ASB10: variants seen among roughly 807,000 people sequenced by gnomAD.
The protein encoded by ASB10 is ankyrin repeat and SOCS box protein 10.
ASB10 carries 44 observed loss-of-function variants against 35.4 expected under a neutral mutation model. The observed-to-expected ratio is 1.24, with a 90% confidence interval of 0.98 to 1.60. The LOEUF is 1.60. Among genes scored for constraint, ASB10 ranks in the 40% most tolerant of loss-of-function variants. The pLI is 0.00. For missense variants in ASB10, 647 were observed against 634.3 expected (o/e 1.02, Z -0.22); for synonymous variants, 294 against 280.4 (o/e 1.05, Z -0.49).
intron 2 of ASB10, among the ~76,000 whole-genome samples, chr7:151,183,875 T>C (rs1352028114): frequency 6.6e-6 from 1 of 151,510 alleles, no homozygotes; most frequent in Non-Finnish European, 1.5e-5. Flanking sequence ...CGTGAGCCAC[T>C]GCGCCCGGCC....
chr7:151,187,082 G>A lies in ASB10; in HGVS notation c.49C>T (p.Leu17Phe). 1.9e-6 allele frequency: 3 copies of A among 1,605,920 alleles called. No individual in the cohort carries two copies. Among genetic ancestry groups the A allele is most frequent in the Non-Finnish European group, 2.6e-6 (3 of 1,176,422 alleles). ...PEECKGQGEP[L>F]DDRHPLCARL... Reference sequence around the variant, plus strand: ...GCACAGAGGGGGTGTCTGTCATCGAGGGGCTCTCCCTGCCCCTTGCACTCT... The same window carrying A: ...GCACAGAGGGGGTGTCTGTCATCGAAGGGCTCTCCCTGCCCCTTGCACTCT... Residue 17 changes from leucine (L) to phenylalanine (F), a missense_variant, in exon 1 of 6, where the codon CTC (leucine) becomes TTC (phenylalanine). Transcript: ENST00000420175. The surrounding 1 kb of genome is among the most constrained non-coding windows in gnomAD (Gnocchi z 5.3).
upstream of ASB10, chr7:151,187,638 G>A: frequency 6.5e-7 from 1 of 1,536,950 alleles, no homozygotes; most frequent in Non-Finnish European, 8.8e-7. The surrounding 1 kb of genome is among the most constrained non-coding windows in gnomAD (Gnocchi z 5.3). Context: ...CGGGAGTGGG[G>A]CCTCCAGATC....
intron 2 of ASB10, among the ~76,000 whole-genome samples, chr7:151,185,305 G>T (rs1032129981): frequency 6.6e-6 from 1 of 151,856 alleles, no homozygotes; most frequent in Non-Finnish European, 1.5e-5. Flanking sequence ...TTTTAGTAGA[G>T]ACAAGGTTTG....
chr7:151,175,835 T>C lies in ASB10; in HGVS notation c.*132A>G. ...TCGGTCCGCTTCTCTGCATTGGGAATTGCAGCATCCACACCTGCCTGCGGA... is the reference window on the plus strand; with the variant it reads ...TCGGTCCGCTTCTCTGCATTGGGAACTGCAGCATCCACACCTGCCTGCGGA... On this transcript the variant is annotated 3_prime_UTR_variant, in exon 6 of 6. Transcript: ENST00000420175. 1 of 466,852 alleles carries C rather than the reference T, an allele frequency of 2.1e-6. No individual in the cohort carries two copies. The highest frequency in any genetic ancestry group is 3.8e-6 in the Non-Finnish European group (1 of 264,700). The allele number at this position is 466,852 out of a possible 1,614,324, so 28.9% of individuals were successfully genotyped here.
At chr7:151,185,967 T>C (rs1316745570) in intron 2 of ASB10, among the ~76,000 whole-genome samples, 3 of 152,140 alleles carry the variant, frequency 2.0e-5, no homozygotes, top group African/African-American at 7.2e-5. Context: ...CACCATCCTC[T>C]ACTCCCTGTC....
At chr7:151,182,021 G>A (rs62489649) in intron 2 of ASB10, among the ~76,000 whole-genome samples, 14,866 of 152,270 alleles carry the variant, frequency 0.098, 1,128 homozygotes, top group African/African-American at 0.21. Flanking sequence ...TAGAACAGGC[G>A]CCTGCTAAGG....
intron 2 of ASB10, among the ~76,000 whole-genome samples, chr7:151,182,979 G>T (rs1394079291): frequency 1.3e-5 from 2 of 152,112 alleles, no homozygotes; most frequent in Non-Finnish European, 2.9e-5. Flanking sequence ...ATTATCACTG[G>T]GTGTGATCTC....
intron 2 of ASB10, 123 bp from the exon 3 acceptor site, chr7:151,181,581 C>T: frequency 1.4e-6 from 2 of 1,403,124 alleles, no homozygotes; most frequent in Non-Finnish European, 1.9e-6. Flanking sequence ...ACTGGTCATC[C>T]TGGCACCATT....
chr7:151,183,208 C>T (rs1801525978), intron 2 of ASB10, among the ~76,000 whole-genome samples: 1 of 152,114 alleles, frequency 6.6e-6, no homozygotes, highest in African/African-American at 2.4e-5. Context: ...CCCAGGAGTT[C>T]AAGACTATCC....
intron 3 of ASB10, among the ~76,000 whole-genome samples, chr7:151,178,457 T>G (rs765037019): frequency 4.6e-5 from 7 of 152,164 alleles, no homozygotes; most frequent in Admixed American, 4.6e-4. Context: ...GTGCCTGAAC[T>G]CAGTACCTAA....
chr7:151,187,614 G>T (rs1274350860), upstream of ASB10: 1 of 1,542,082 alleles, frequency 6.5e-7, no homozygotes, highest in East Asian at 2.5e-5. The surrounding 1 kb of genome is among the most constrained non-coding windows in gnomAD (Gnocchi z 5.3). Flanking sequence ...GGCCGAGGGG[G>T]CTCCCAGGCT....
chr7:151,181,605 A>C (rs1342920420), intron 2 of ASB10, 147 bp from the exon 3 acceptor site: 23 of 1,237,988 alleles, frequency 1.9e-5, no homozygotes, highest in Non-Finnish European at 1.9e-5. Flanking sequence ...CAAGATCAAC[A>C]GTGCCCTTCT....
intron 3 of ASB10, among the ~76,000 whole-genome samples, chr7:151,179,851 A>G (rs573923879): frequency 6.6e-6 from 1 of 152,270 alleles, no homozygotes; most frequent in East Asian, 1.9e-4. Flanking sequence ...ATTACAGGGA[A>G]TTGCTTGTCT....
At chr7:151,187,520 G>T (rs375653847), upstream of ASB10, 7 of 1,551,310 alleles carry the variant, frequency 4.5e-6, no homozygotes, top group Non-Finnish European at 6.1e-6. This position sits in a 1 kb window ranked among gnomAD's most constrained non-coding sequence, Gnocchi z 5.3. Flanking sequence ...TGTGCTGTGC[G>T]GGGGGAACAG....
chr7:151,186,294 C>G (rs927376157), intron 2 of ASB10, 98 bp downstream of exon 2: 17 of 1,423,408 alleles, frequency 1.2e-5, no homozygotes, highest in Non-Finnish European at 1.5e-5. Flanking sequence ...CTGGACTGCT[C>G]TGTCCCAGGT....
chr7:151,184,826 T>A (rs1044843409), intron 2 of ASB10, among the ~76,000 whole-genome samples: 1 of 152,002 alleles, frequency 6.6e-6, no homozygotes, highest in African/African-American at 2.4e-5. Context: ...ATTGAGACCA[T>A]CCTGGCTAAC....
intron 3 of ASB10, among the ~76,000 whole-genome samples, chr7:151,178,755 G>A (rs1367573423): frequency 6.6e-6 from 1 of 152,096 alleles, no homozygotes; most frequent in Non-Finnish European, 1.5e-5. Context: ...TACACACCTG[G>A]GGCCTCTGCT....
intron 3 of ASB10, among the ~76,000 whole-genome samples, chr7:151,179,351 G>A (rs970765081): frequency 6.6e-6 from 1 of 152,240 alleles, no homozygotes; most frequent in African/African-American, 2.4e-5. Context: ...GTTGCTGGGA[G>A]GACTGAGGAA....
chr7:151,186,579 G>A lies in ASB10; in HGVS notation c.397C>T (p.Arg133Trp), dbSNP rs750676882. Residue 133 changes from arginine (R) to tryptophan (W), a missense_variant, in exon 2 of 6, where the codon CGG becomes TGG. Transcript: ENST00000420175. ...AASRGHTEVL[R>W]LLLRRRARPD... is the part of the protein sequence containing the mutation. ...CTTGCTCGCCGCCTCAGCAGCAGCC[G>A]CAGGACTTCCGTGTGGCCACGGCTG... 3.4e-5 allele frequency: 54 copies of A among 1,608,004 alleles called. No homozygotes were observed. The South Asian group carries it at 3.4e-4, about 10-fold the overall frequency.
Sources: gnomAD v4.1 joint callset for allele counts (sites outside exome capture counted in the v4.1 genomes callset) on GRCh38, gnomAD v4.1.1 for gene constraint, Gnocchi (gnomAD v3.1) non-coding constraint, MANE v1.5 for transcripts, NCBI Gene and HGNC (gene_info 2026-07-23, HGNC 2026-07-21) for gene names.